UNC79: variants seen among roughly 807,000 people sequenced by gnomAD.
UNC79 encodes unc-79 subunit of NALCN channel complex.
In UNC79, 37 loss-of-function variants were observed where a neutral mutation model predicts 283.1. The ratio of observed to expected loss-of-function variants is 0.13; its 90% CI spans 0.10 to 0.17. UNC79 has a LOEUF of 0.17. Ranked by LOEUF, UNC79 falls within the 10% of genes least tolerant of loss-of-function variation. The pLI is 1.00. For synonymous variants in UNC79, 1,107 were observed against 1,200.2 expected (o/e 0.92, Z 1.61); for missense variants, 2,272 against 3,211.1 (o/e 0.71, Z 7.07).
intron 32 of UNC79, among the ~76,000 whole-genome samples, chr14:93,638,805 C>T (rs569427657): frequency 1.8e-4 from 27 of 152,266 alleles, no homozygotes; most frequent in Admixed American, 2.6e-4. Context: ...AGTATAACAA[C>T]GGTGGCTGAG....
chr14:93,609,082 C>A (rs1190474433), intron 26 of UNC79, among the ~76,000 whole-genome samples: 1 of 152,144 alleles, frequency 6.6e-6, no homozygotes, highest in African/African-American at 2.4e-5. Flanking sequence ...TTTTTCTCTC[C>A]TGTCCTCCCT....
chr14:93,652,096 C>T (rs1436932084), intron 35 of UNC79, among the ~76,000 whole-genome samples: 1 of 151,872 alleles, frequency 6.6e-6, no homozygotes, highest in African/African-American at 2.4e-5. Context: ...TGCAATGGCT[C>T]AGACTGCCAG....
At chr14:93,459,642 CACTT>C (rs1252900986) in intron 1 of UNC79, among the ~76,000 whole-genome samples, 1 of 138,916 alleles carries the variant, frequency 7.2e-6, no homozygotes, top group Non-Finnish European at 1.6e-5. Context: ...TTGGGCAAGT[CACTT>C]ACTGTTTTTG....
chr14:93,494,094 G>A (rs1351187933), intron 5 of UNC79, among the ~76,000 whole-genome samples: 1 of 151,246 alleles, frequency 6.6e-6, no homozygotes, highest in Non-Finnish European at 1.5e-5. Context: ...TAGTAGAGAT[G>A]GGGTTTCACC....
At chr14:93,567,937 A>C (rs1320631144) in intron 14 of UNC79, among the ~76,000 whole-genome samples, 1 of 152,186 alleles carries the variant, frequency 6.6e-6, no homozygotes, top group Non-Finnish European at 1.5e-5. Flanking sequence ...GGACAACTCG[A>C]AACAGGGAGG....
intron 1 of UNC79, among the ~76,000 whole-genome samples, chr14:93,414,527 T>C (rs993180864): frequency 1.3e-5 from 2 of 152,206 alleles, no homozygotes; most frequent in Non-Finnish European, 2.9e-5. Context: ...TTTGGTGCCA[T>C]ATGAACTTTA....
intron 1 of UNC79, among the ~76,000 whole-genome samples, chr14:93,459,959 C>T (rs568283572): frequency 2.3e-4 from 26 of 112,126 alleles, no homozygotes; most frequent in Non-Finnish European, 2.5e-4. Flanking sequence ...CATGAGCCAC[C>T]GCGCCCGGCC....
At chr14:93,528,094 G>A (rs994443984) in intron 8 of UNC79, among the ~76,000 whole-genome samples, 1 of 152,108 alleles carries the variant, frequency 6.6e-6, no homozygotes, top group Non-Finnish European at 1.5e-5. Context: ...TTTGAATAAG[G>A]TATGCCTTAA....
chr14:93,516,456 G>T (rs756931767), intron 7 of UNC79, among the ~76,000 whole-genome samples: 256 of 119,998 alleles, frequency 2.1e-3, no homozygotes, highest in Non-Finnish European at 3.6e-3. Context: ...TTTTTGGGGG[G>T]GGGGGTGGGG....
At chr14:93,392,686 G>A (rs917101166) in intron 1 of UNC79, among the ~76,000 whole-genome samples, 4 of 152,254 alleles carry the variant, frequency 2.6e-5, no homozygotes, top group South Asian at 4.1e-4. Flanking sequence ...TATCCCTTCA[G>A]TTCCTTAATC....
chr14:93,636,292 C>T (rs554797504), intron 31 of UNC79, among the ~76,000 whole-genome samples: 1 of 152,256 alleles, frequency 6.6e-6, no homozygotes, highest in African/African-American at 2.4e-5. Context: ...ATTTCTTTCC[C>T]GAGTTTTCCT....
intron 12 of UNC79, among the ~76,000 whole-genome samples, chr14:93,539,520 C>CA (rs2061273235): frequency 6.6e-6 from 1 of 151,138 alleles, no homozygotes. Context: ...GACTCCGTCT[C>CA]AAAAAAATAA....
intron 1 of UNC79, among the ~76,000 whole-genome samples, chr14:93,439,020 T>C (rs1021114239): frequency 2.6e-5 from 4 of 152,104 alleles, no homozygotes; most frequent in African/African-American, 9.6e-5. Context: ...AAATTTTGAA[T>C]ACATGAAGGC....
chr14:93,460,140 A>T (rs1215221258), intron 1 of UNC79, among the ~76,000 whole-genome samples: 2 of 127,904 alleles, frequency 1.6e-5, no homozygotes, highest in East Asian at 4.7e-4. Context: ...CATCCTGGCT[A>T]ACACGGTGAA....
At chr14:93,662,860 G>A (rs2071746215) in intron 40 of UNC79, 146 bp downstream of exon 43, 6 of 521,406 alleles carry the variant, frequency 1.2e-5, no homozygotes, top group Admixed American at 6.7e-5. Flanking sequence ...TAAATACCAT[G>A]GTAAGGAAAC....
chr14:93,490,689 T>G (rs1366496318), intron 5 of UNC79, among the ~76,000 whole-genome samples: 1 of 152,204 alleles, frequency 6.6e-6, no homozygotes, highest in African/African-American at 2.4e-5. Flanking sequence ...ATACTAACAT[T>G]CTCTTCAGGA....
intron 26 of UNC79, 109 bp from the exon 27 acceptor site, chr14:93,604,787 G>A: frequency 2.6e-6 from 3 of 1,151,296 alleles, no homozygotes; most frequent in Non-Finnish European, 3.4e-6. Context: ...AATTCAAATA[G>A]AAAAATGAAA....
At chr14:93,612,580 A>G (rs1260091858) in intron 26 of UNC79, among the ~76,000 whole-genome samples, 1 of 152,152 alleles carries the variant, frequency 6.6e-6, no homozygotes, top group Non-Finnish European at 1.5e-5. Context: ...TAATTCTCCC[A>G]GATTACTTGG....
In UNC79 at chr14:93,699,456, A is replaced by C. The variant is rs577861998; in HGVS notation, c.7548+5044A>C. Among the ~76,000 whole-genome samples the C allele has an allele frequency of 8.1e-4, 124 of 152,182 alleles. 2 individuals are homozygous for C. The highest frequency in any genetic ancestry group is 1.6e-4 in the Non-Finnish European group (11 of 68,020). ...AATACTGTTTTAGCTGCTTTCCCCC[A>C]GATTTTGAGAGATTCTCATTTCCAT... is the stretch of plus-strand genomic sequence containing the variant. On this transcript the variant is annotated intron_variant, in intron 47 of 48. Coordinates refer to ENST00000555664, the Ensembl canonical transcript of UNC79.
Sources: allele counts gnomAD v4.1 joint callset (sites outside exome capture counted in the v4.1 genomes callset), GRCh38; gene constraint gnomAD v4.1.1; transcripts MANE v1.5; gene names NCBI Gene and HGNC (gene_info 2026-07-23, HGNC 2026-07-21).